Variants in UGGT1 observed in about 807,000 individuals in gnomAD.
UGGT1 encodes the protein UDP-glucose glycoprotein glucosyltransferase 1.
UGGT1 carries 107 observed loss-of-function variants against 203.9 expected under a neutral mutation model. That is an observed-to-expected ratio of 0.52 (90% CI 0.45 to 0.62). The LOEUF is 0.62. UGGT1 is among the 20% of genes least tolerant of loss of function. UGGT1 has a pLI of 0.00. For synonymous variants in UGGT1, 628 were observed against 653.5 expected, an observed-to-expected ratio of 0.96 and a Z score of 0.59; for missense variants, 1,673 against 1,867.2, an observed-to-expected ratio of 0.90 and a Z score of 1.92.
At chr2:128,167,129 G>T (rs937618730) in intron 26 of UGGT1, among the ~76,000 whole-genome samples, 8 of 152,080 alleles carry the variant, frequency 5.3e-5, no homozygotes, top group Admixed American at 2.6e-4. Flanking sequence ...GAACTTTCAG[G>T]AAGTAACTCA....
chr2:128,163,869 A>G (rs550001086), intron 25 of UGGT1, among the ~76,000 whole-genome samples: 2 of 151,878 alleles, frequency 1.3e-5, no homozygotes, highest in Non-Finnish European at 2.9e-5. Context: ...TAAATGTAAC[A>G]TTATGCAGTC....
At chr2:128,124,656 AG>A (rs1370773516) in intron 11 of UGGT1, among the ~76,000 whole-genome samples, 1 of 149,066 alleles carries the variant, frequency 6.7e-6, no homozygotes, top group African/African-American at 2.5e-5. Flanking sequence ...GCCTTTTAAA[AG>A]TCTCTTCTTT....
chr2:128,091,823 C>A (rs964480779), intron 1 of UGGT1, among the ~76,000 whole-genome samples: 1 of 152,144 alleles, frequency 6.6e-6, no homozygotes, highest in African/African-American at 2.4e-5. Context: ...AAAATGAATT[C>A]GGGTTGATGC....
chr2:128,175,484 G>A lies in UGGT1; in HGVS notation c.3539+626G>A, dbSNP rs542807146. 3.9e-4 allele frequency among the ~76,000 whole-genome samples: 59 copies of A among 152,338 alleles called. 1 individual carries two copies. In the South Asian group the frequency reaches 0.011, roughly 29 times the overall value. On this transcript the variant is annotated intron_variant, in intron 31 of 40. Transcript: ENST00000259253. Reference sequence around the variant, plus strand: ...GTGTGAAGAGGCTTCCCGTCAGGTTGTGTAGGGGATGATTTCCATTAGGGC... The same window carrying A: ...GTGTGAAGAGGCTTCCCGTCAGGTTATGTAGGGGATGATTTCCATTAGGGC...
intron 14 of UGGT1, 139 bp from the exon 15 acceptor site, chr2:128,134,737 T>C: frequency 1.5e-6 from 1 of 671,528 alleles, no homozygotes. Flanking sequence ...AGCTGCTATG[T>C]GTGTAATTCA....
intron 17 of UGGT1, among the ~76,000 whole-genome samples, chr2:128,144,793 C>T (rs1275313674): frequency 3.9e-5 from 6 of 152,064 alleles, no homozygotes; most frequent in African/African-American, 1.4e-4. Flanking sequence ...GATTAGTTAC[C>T]CAATGGGAGT....
chr2:128,149,510 G>A lies in UGGT1; in HGVS notation c.2017-3274G>A, dbSNP rs185898861. On this transcript the variant is annotated intron_variant, in intron 18 of 40. Coordinates refer to ENST00000259253, the MANE Select transcript of UGGT1 (RefSeq NM_020120.4). ...ACACACAAAAAAAATTAGGCCGGGC[G>A]CGGTGGCTCACTTGGGAAACCGAGG... Among the ~76,000 whole-genome samples the A allele has an allele frequency of 4.4e-3, 665 of 151,232 alleles. 2 individuals are homozygous for A. Among genetic ancestry groups the A allele is most frequent in the African/African-American group, 0.015 (630 of 41,374 alleles).
rs189692947 is a variant in UGGT1, at chr2:128,129,608, A to G, written c.1377+429A>G. Reference sequence around the variant, plus strand: ...TAGACGGGGTTTCACAATATTGGTCAGGCTGGTCTCAAACTCCTGACCTCA... The same window carrying G: ...TAGACGGGGTTTCACAATATTGGTCGGGCTGGTCTCAAACTCCTGACCTCA... On this transcript the variant is annotated intron_variant, in intron 13 of 40. Coordinates refer to ENST00000259253, the MANE Select transcript of UGGT1 (RefSeq NM_020120.4). Among the ~76,000 whole-genome samples the G allele has an allele frequency of 2.1e-3, 319 of 152,144 alleles. 2 individuals carry two copies. The highest frequency in any genetic ancestry group is 7.4e-3 in the African/African-American group (307 of 41,528).
intron 8 of UGGT1, among the ~76,000 whole-genome samples, chr2:128,118,181 A>C (rs556474760): frequency 6.6e-6 from 1 of 152,266 alleles, no homozygotes; most frequent in East Asian, 1.9e-4. Flanking sequence ...ATGTATATAC[A>C]TTTCTTCTCG....
chr2:128,136,726 G>A (rs1420183123), intron 15 of UGGT1, among the ~76,000 whole-genome samples: 1 of 152,216 alleles, frequency 6.6e-6, no homozygotes, highest in Non-Finnish European at 1.5e-5. Flanking sequence ...GGTAAATACC[G>A]AGGAGCGTGA....
rs1368928714 is a variant in UGGT1, at chr2:128,108,012, T to C, written c.352T>C (p.Phe118Leu). 1.9e-6 allele frequency: 3 copies of C among 1,614,042 alleles called. No homozygotes were observed. Among genetic ancestry groups the C allele is most frequent in the Non-Finnish European group, 2.5e-6 (3 of 1,180,026 alleles). Residue 118 changes from phenylalanine (F) to leucine (L), a missense_variant, in exon 4 of 41, where the codon TTT becomes CTT. Transcript: ENST00000259253. Reference protein sequence around the residue: ...QFLSPLQQNLFKFCLSLRSYS... With the variant: ...QFLSPLQQNLLKFCLSLRSYS... ...TCTGTCACCCCTCCAGCAGAATTTG[T>C]TTAAATTTTGTCTGTCCCTTCGTTC...
At chr2:128,152,282 C>T (rs1471251088) in intron 18 of UGGT1, among the ~76,000 whole-genome samples, 1 of 152,128 alleles carries the variant, frequency 6.6e-6, no homozygotes, top group Non-Finnish European at 1.5e-5. Context: ...ATTCTCCTGC[C>T]TCAGCTTCCT....
Position 128,091,646 on chromosome 2 carries a change from C to T in UGGT1, c.58+231C>T, listed in dbSNP as rs868531250. The T allele has an allele frequency of 2.3e-5, 32 of 1,367,942 alleles. No individual in the cohort carries two copies. In the Middle Eastern group the frequency reaches 6.1e-4, roughly 26 times the overall value. 84.7% of individuals were successfully genotyped at this position (1,367,942 alleles called of 1,614,324 possible). On this transcript the variant is annotated intron_variant, in intron 1 of 40. Transcript: ENST00000259253. ...CGGGCTCTGTTCAGCGGTCTTGAACCTTCTTTGAAGAGCTTTAGATCCTTG... is the reference window on the plus strand; with the variant it reads ...CGGGCTCTGTTCAGCGGTCTTGAACTTTCTTTGAAGAGCTTTAGATCCTTG...
chr2:128,108,222 A>G (rs953785662), intron 4 of UGGT1, among the ~76,000 whole-genome samples, 154 bp downstream of exon 4: 7 of 152,110 alleles, frequency 4.6e-5, no homozygotes, highest in South Asian at 2.1e-4. Context: ...ATAATAAGCA[A>G]AATTGATGTT....
intron 13 of UGGT1, among the ~76,000 whole-genome samples, chr2:128,131,665 C>T (rs967042931): frequency 9.2e-5 from 14 of 152,088 alleles, no homozygotes; most frequent in African/African-American, 3.1e-4. Context: ...GTCTCGCTCT[C>T]TTGCCAGGCT....
At chr2:128,164,701 G>A in intron 25 of UGGT1, 29 bp from the exon 26 acceptor site, 1 of 1,593,700 alleles carries the variant, frequency 6.3e-7, no homozygotes, top group Non-Finnish European at 8.6e-7. Context: ...TTAAAAAGAT[G>A]TTAAGATTTC....
rs536028643 is a variant in UGGT1, at chr2:128,133,258, A to G, written c.1495A>G (p.Met499Val). ...GCAGATCAGGAAAAACTTACATAAT[A>G]TGGTAAGTAAAACTTATTGTCTGGC... ...IRQIRKNLHN[M>V]VFIVDPAHET... is the part of the protein sequence containing the mutation. Residue 499 changes from methionine to valine, a missense_variant and splice_region_variant, in exon 14 of 41, where the codon ATG (methionine) becomes GTG (valine). This residue lies in a region of UGGT1 where 1,073 missense variants were observed against 1,078.7 expected (regional missense o/e 0.99). Transcript: ENST00000259253. The G allele has an allele frequency of 1.1e-5, 17 of 1,613,166 alleles. No individual in the cohort carries two copies. Among genetic ancestry groups the G allele is most frequent in the Non-Finnish European group, 1.4e-5 (16 of 1,179,552 alleles).
At chr2:128,189,368 A>C (rs1692147053) in intron 40 of UGGT1, among the ~76,000 whole-genome samples, 1 of 152,272 alleles carries the variant, frequency 6.6e-6, no homozygotes, top group Non-Finnish European at 1.5e-5. Context: ...TAAACATCCA[A>C]GAATGAGCTA....
rs1426676502 is a variant in UGGT1, at chr2:128,194,421, T to G, written c.*4679T>G. ...AGCTGGGATTACAGGTGCCTGCCAC[T>G]ATGCCTAGCTAATTTTTGTATTTTT... On this transcript the variant is annotated 3_prime_UTR_variant, in exon 41 of 41. Coordinates refer to ENST00000259253, the MANE Select transcript of UGGT1 (RefSeq NM_020120.4). 1 of 152,176 alleles carries G rather than the reference T, an allele frequency of 6.6e-6. No individual in the cohort carries two copies. The highest frequency in any genetic ancestry group is 2.4e-5 in the African/African-American group (1 of 41,424). 9.4% of individuals were successfully genotyped at this position (152,176 alleles called of 1,614,324 possible). A position where few individuals can be genotyped will look rare whatever the true frequency, so the allele number is the denominator to read the frequency against.
Sources: gnomAD v4.1 joint callset for allele counts (sites outside exome capture counted in the v4.1 genomes callset) on GRCh38, gnomAD v4.1.1 for gene constraint, gnomAD v4.1.1 regional missense constraint, MANE v1.5 for transcripts, NCBI Gene and HGNC (gene_info 2026-07-23, HGNC 2026-07-21) for gene names.